BMPR2: variants seen among roughly 807,000 people sequenced by gnomAD.
The protein encoded by BMPR2 is bone morphogenetic protein receptor type-2.
In BMPR2, 29 loss-of-function variants were observed where a neutral mutation model predicts 100.8. That is an observed-to-expected ratio of 0.29 (90% confidence interval 0.21 to 0.39). The LOEUF (loss-of-function observed/expected upper bound fraction) is 0.39. Ranked by LOEUF, BMPR2 falls within the 10% of genes least tolerant of loss-of-function variation. The pLI, the probability that BMPR2 is intolerant of heterozygous loss-of-function variation, is 1.00. For synonymous variants in BMPR2, 382 were observed against 442.3 expected, an observed-to-expected ratio of 0.86 and a Z score of 1.71; for missense variants, 1,011 against 1,274.5, an observed-to-expected ratio of 0.79 and a Z score of 3.15.
Position 202,427,514 on chromosome 2 carries a change from C to T in BMPR2, c.77-37295C>T, listed in dbSNP as rs371042589. 4.6e-5 allele frequency among the ~76,000 whole-genome samples: 7 copies of T among 151,358 alleles called. No homozygotes were observed. In the South Asian group the frequency reaches 1.0e-3, roughly 23 times the overall value. The stretch of plus-strand genomic sequence containing the variant: ...AAAAAGAAAAAAAAAAAACAAGAAG[C>T]AAGCCCTTAACAAGGCTTTGTTTTC... On this transcript the variant is annotated intron_variant, in intron 1 of 12. Transcript: ENST00000374580.
rs1289095937 is a variant in BMPR2 at position 202,377,519 on chromosome 2, A to G, written c.45A>G (p.Pro15=). 3.7e-6 allele frequency: 6 copies of G among 1,614,080 alleles called. No homozygotes were observed. In the Admixed American group the frequency reaches 6.7e-5, roughly 18 times the overall value. ...GGCCCTGGCGGGTGCCCTGGCTACC[A>G]TGGACCATCCTGCTGGTCAGCACTG... ...LQRPWRVPWL[P]WTILLVSTAA... The change falls in exon 1 of 13, where the codon CCA becomes CCG. Residue 15 remains proline, a synonymous_variant. Coordinates refer to ENST00000374580, the MANE Select transcript of BMPR2 (RefSeq NM_001204.7).
intron 1 of BMPR2, among the ~76,000 whole-genome samples, chr2:202,463,108 T>C (rs1692253915): frequency 1.3e-5 from 2 of 152,158 alleles, no homozygotes; most frequent in Non-Finnish European, 2.9e-5. Context: ...CCCAATCTCT[T>C]CATTTATAAA....
rs1338914201 is a variant in BMPR2 at position 202,565,119 on chromosome 2, A to G, written c.*5173A>G. 1.3e-5 allele frequency: 2 copies of G among 152,036 alleles called. No individual in the cohort carries two copies. The highest frequency in any genetic ancestry group is 1.3e-4 in the Admixed American group (2 of 15,252). The allele number at this position is 152,036 out of a possible 1,614,324, so 9.4% of individuals were successfully genotyped here. A position where few individuals can be genotyped will look rare whatever the true frequency, so the allele number is the denominator to read the frequency against. ...TCCAAACCTCAGTTATCTGATTTGT[A>G]GTCTGTGTCAGGAAAGTTTTCTTCA... On this transcript the variant is annotated 3_prime_UTR_variant, in exon 13 of 13. Coordinates refer to ENST00000374580, the MANE Select transcript of BMPR2 (RefSeq NM_001204.7).
chr2:202,441,056 C>T (rs773768099), intron 1 of BMPR2, among the ~76,000 whole-genome samples: 4 of 150,258 alleles, frequency 2.7e-5, no homozygotes, highest in African/African-American at 1.0e-4. Flanking sequence ...TCTTGGCTCA[C>T]TGCAACGTCT....
intron 7 of BMPR2, 34 bp downstream of exon 7, chr2:202,520,235 G>A: frequency 6.8e-7 from 1 of 1,467,954 alleles, no homozygotes; most frequent in Non-Finnish European, 9.5e-7. Context: ...TGACACTCAT[G>A]TGGGTTCAAA....
At chr2:202,477,172 G>A (rs1248592342) in intron 3 of BMPR2, among the ~76,000 whole-genome samples, 3 of 152,128 alleles carry the variant, frequency 2.0e-5, no homozygotes, top group Non-Finnish European at 4.4e-5. Flanking sequence ...TTATGTGGGT[G>A]TTTAGATTAA....
Position 202,567,059 on chromosome 2 carries a change from C to G in BMPR2, c.*7113C>G, listed in dbSNP as rs1325777574. ...TATTTATTTAAGCAATTTTTGTATG[C>G]CTTGTTATTTCATTTCCATAGAGAT... On this transcript the variant is annotated 3_prime_UTR_variant, in exon 13 of 13. Coordinates refer to ENST00000374580, the MANE Select transcript of BMPR2 (RefSeq NM_001204.7). 6.6e-5 allele frequency: 10 copies of G among 152,038 alleles called. No individual in the cohort carries two copies. The highest frequency in any genetic ancestry group is 2.9e-5 in the Non-Finnish European group (2 of 67,996). 9.4% of individuals were successfully genotyped at this position (152,038 alleles called of 1,614,324 possible).
chr2:202,378,337 A>AT (rs772402317), intron 1 of BMPR2, among the ~76,000 whole-genome samples: 52 of 152,074 alleles, frequency 3.4e-4, no homozygotes, highest in African/African-American at 1.1e-3. Context: ...ATTTGCAACT[A>AT]TTTTTTCAAG....
intron 1 of BMPR2, among the ~76,000 whole-genome samples, chr2:202,405,065 C>T (rs1308382862): frequency 3.3e-5 from 5 of 152,140 alleles, no homozygotes; most frequent in African/African-American, 1.2e-4. Flanking sequence ...TCAAGTGATC[C>T]TCCCATCTCA....
intron 1 of BMPR2, among the ~76,000 whole-genome samples, chr2:202,378,898 C>T (rs547032918): frequency 1.3e-5 from 2 of 152,184 alleles, no homozygotes; most frequent in Admixed American, 1.3e-4. Flanking sequence ...AATCTCAGAA[C>T]ATAGGCTTTT....
chr2:202,441,224 A>G (rs1179887607), intron 1 of BMPR2, among the ~76,000 whole-genome samples: 3 of 149,968 alleles, frequency 2.0e-5, no homozygotes, highest in Non-Finnish European at 4.4e-5. Context: ...CAGGCAATCC[A>G]CCCACCTCGG....
At chr2:202,396,098 A>G (rs1043295770) in intron 1 of BMPR2, among the ~76,000 whole-genome samples, 4 of 152,230 alleles carry the variant, frequency 2.6e-5, no homozygotes, top group Non-Finnish European at 4.4e-5. Flanking sequence ...CCAGTCCTAA[A>G]CAGGGATAGA....
At chr2:202,523,108 G>A (rs767135288) in intron 7 of BMPR2, among the ~76,000 whole-genome samples, 9 of 152,228 alleles carry the variant, frequency 5.9e-5, no homozygotes, top group Non-Finnish European at 1.2e-4. Flanking sequence ...TGACATACAA[G>A]CAGCCAACAA....
chr2:202,432,111 A>G lies in BMPR2; in HGVS notation c.77-32698A>G, dbSNP rs573061849. ...TAGAATAACTAGTATGAAGCAAAAC[A>G]GTACAGCAGATTTTAAATGATGAAT... is the stretch of plus-strand genomic sequence containing the variant. On this transcript the variant is annotated intron_variant, in intron 1 of 12. Coordinates refer to ENST00000374580, the MANE Select transcript of BMPR2 (RefSeq NM_001204.7). Among the ~76,000 whole-genome samples, 5 of 150,806 alleles carry G rather than the reference A, an allele frequency of 3.3e-5. 1 individual carries two copies. In the South Asian group the frequency reaches 1.0e-3, roughly 31 times the overall value.
At chr2:202,413,978 T>C (rs988324100) in intron 1 of BMPR2, among the ~76,000 whole-genome samples, 1 of 152,216 alleles carries the variant, frequency 6.6e-6, no homozygotes, top group African/African-American at 2.4e-5. Flanking sequence ...ATTATTAATA[T>C]ATGTTTCATA....
At chr2:202,442,722 C>G (rs1206559004) in intron 1 of BMPR2, among the ~76,000 whole-genome samples, 2 of 150,638 alleles carry the variant, frequency 1.3e-5, no homozygotes, top group Non-Finnish European at 2.9e-5. Context: ...GTACACTTCT[C>G]TTAGCATAAT....
intron 3 of BMPR2, among the ~76,000 whole-genome samples, chr2:202,476,784 A>T (rs1348825090): frequency 6.6e-6 from 1 of 152,064 alleles, no homozygotes; most frequent in Non-Finnish European, 1.5e-5. Context: ...GCGAGACTCA[A>T]AAAAAATAAA....
chr2:202,539,511 C>T (rs536178210), intron 9 of BMPR2, among the ~76,000 whole-genome samples: 1 of 152,092 alleles, frequency 6.6e-6, no homozygotes, highest in East Asian at 1.9e-4. Flanking sequence ...TGTATACTAA[C>T]TATAAAATTC....
At chr2:202,426,720 A>C (rs1358056640) in intron 1 of BMPR2, among the ~76,000 whole-genome samples, 1 of 151,976 alleles carries the variant, frequency 6.6e-6, no homozygotes, top group Non-Finnish European at 1.5e-5. Flanking sequence ...CGTCTCTTCA[A>C]ATATTTAAAA....
Sources: allele counts gnomAD v4.1 joint callset (sites outside exome capture counted in the v4.1 genomes callset), GRCh38; gene constraint gnomAD v4.1.1; transcripts MANE v1.5; gene names NCBI Gene and HGNC (gene_info 2026-07-23, HGNC 2026-07-21).